ERC1: variants seen among roughly 807,000 people sequenced by gnomAD.
ERC1 encodes RAB6 interacting protein 2.
In ERC1, 56 loss-of-function variants were observed where a neutral mutation model predicts 132.0. That is an observed-to-expected ratio of 0.42 (90% CI 0.34 to 0.53). The LOEUF (loss-of-function observed/expected upper bound fraction) is 0.53, where lower values mean the gene tolerates loss of function less well. ERC1 is among the 20% of genes least tolerant of loss of function. ERC1 has a pLI of 0.03. For missense variants in ERC1, 1,202 were observed against 1,349.9 expected, an observed-to-expected ratio of 0.89 and a Z score of 1.72; for synonymous variants, 478 against 476.1, an observed-to-expected ratio of 1.00 and a Z score of -0.05.
At chr12:1,175,309 G>A (rs1953572207) in intron 8 of ERC1, among the ~76,000 whole-genome samples, 1 of 152,050 alleles carries the variant, frequency 6.6e-6, no homozygotes, top group African/African-American at 2.4e-5. Flanking sequence ...AGTGCTATTT[G>A]ATAGCATTTT....
At chr12:1,441,044 C>G (rs2093137202) in intron 17 of ERC1, among the ~76,000 whole-genome samples, 1 of 151,292 alleles carries the variant, frequency 6.6e-6, no homozygotes, top group South Asian at 2.1e-4. Context: ...GCATAAAATG[C>G]ATTTAAATCT....
At chr12:1,137,100 C>CTTTTTTTT (rs944757047) in intron 7 of ERC1, among the ~76,000 whole-genome samples, 1 of 122,914 alleles carries the variant, frequency 8.1e-6, no homozygotes, top group African/African-American at 3.1e-5. Context: ...TTTTTCTTTT[C>CTTTTTTTT]TTTTTTTTTT....
intron 1 of ERC1, among the ~76,000 whole-genome samples, chr12:1,007,151 G>A (rs1385799595): frequency 6.6e-6 from 1 of 152,122 alleles, no homozygotes; most frequent in East Asian, 1.9e-4. Flanking sequence ...ATTGATACGT[G>A]CAAGAACTAG....
chr12:1,362,148 A>G (rs2086185578), intron 15 of ERC1, among the ~76,000 whole-genome samples: 1 of 152,182 alleles, frequency 6.6e-6, no homozygotes, highest in African/African-American at 2.4e-5. Flanking sequence ...TTTCAGTATC[A>G]CCATAAATGA....
At chr12:1,184,662 C>T (rs1954869944) in intron 11 of ERC1, among the ~76,000 whole-genome samples, 1 of 152,198 alleles carries the variant, frequency 6.6e-6, no homozygotes, top group Non-Finnish European at 1.5e-5. Flanking sequence ...TGAATATTGG[C>T]ATTCCATGTC....
intron 15 of ERC1, among the ~76,000 whole-genome samples, chr12:1,361,577 T>C (rs532006021): frequency 6.6e-6 from 1 of 152,264 alleles, no homozygotes; most frequent in South Asian, 2.1e-4. Context: ...TTCTTAATCT[T>C]GAGCACTAAA....
intron 1 of ERC1, among the ~76,000 whole-genome samples, chr12:995,431 C>A (rs752516999): frequency 6.6e-6 from 1 of 151,930 alleles, no homozygotes; most frequent in Non-Finnish European, 1.5e-5. Context: ...GGATGTGGGC[C>A]AAACAGAAGA....
intron 12 of ERC1, among the ~76,000 whole-genome samples, chr12:1,205,377 G>GTA (rs1306713628): frequency 6.7e-6 from 1 of 149,328 alleles, no homozygotes; most frequent in African/African-American, 2.5e-5. Context: ...ATGTGTGTGT[G>GTA]TGTATATATA....
intron 16 of ERC1, among the ~76,000 whole-genome samples, chr12:1,394,533 C>T: frequency 6.6e-6 from 1 of 152,128 alleles, no homozygotes; most frequent in East Asian, 1.9e-4. Flanking sequence ...GATTGTTATT[C>T]ACAGTGTTGA....
chr12:1,370,282 C>T (rs754060334), intron 15 of ERC1, among the ~76,000 whole-genome samples: 13 of 152,156 alleles, frequency 8.5e-5, no homozygotes, highest in Non-Finnish European at 1.9e-4. Context: ...TTCCTTTGGA[C>T]ACAAACCATA....
At chr12:1,076,991 G>A (rs1013133225) in intron 2 of ERC1, among the ~76,000 whole-genome samples, 2 of 152,064 alleles carry the variant, frequency 1.3e-5, no homozygotes, top group African/African-American at 4.8e-5. Flanking sequence ...CAACCAAACC[G>A]GAAGCTTGAC....
chr12:1,306,746 GT>G (rs897007655), intron 15 of ERC1, among the ~76,000 whole-genome samples: 2 of 151,242 alleles, frequency 1.3e-5, no homozygotes, highest in Non-Finnish European at 3.0e-5. Context: ...TTTGTTTTTT[GT>G]TTTTTTTAGA....
chr12:1,013,689 C>T lies in ERC1; in HGVS notation c.-156-14059C>T, dbSNP rs149500868. Among the ~76,000 whole-genome samples the T allele has an allele frequency of 4.3e-3, 657 of 152,246 alleles. 4 individuals carry two copies. Among genetic ancestry groups the T allele is most frequent in the Non-Finnish European group, 6.9e-3 (472 of 68,018 alleles). ...ATGCTGAGTGTAGAGGCAGAGAAAT[C>T]TGTGCCTTCATTAACTTGTAGATTT... On this transcript the variant is annotated intron_variant, in intron 1 of 18. Coordinates refer to ENST00000360905, the MANE Select transcript of ERC1 (RefSeq NM_178040.4).
chr12:1,427,608 C>T (rs555353414), intron 17 of ERC1, among the ~76,000 whole-genome samples: 1 of 152,176 alleles, frequency 6.6e-6, no homozygotes, highest in Non-Finnish European at 1.5e-5. Flanking sequence ...TTTTGAGGGC[C>T]TTTTAACTTG....
rs528969888 is a variant in ERC1 at position 1,261,655 on chromosome 12, A to G, written c.2488-1379A>G. ...GAGGGAAGGAAGAGCTCAACAAACA[A>G]CGTTTGTTTTCTTTTGTTTTGTTTT... On this transcript the variant is annotated intron_variant, in intron 13 of 18. Transcript: ENST00000360905. Among the ~76,000 whole-genome samples the G allele has an allele frequency of 6.2e-4, 93 of 151,090 alleles. 1 individual carries two copies. The highest frequency in any genetic ancestry group is 2.2e-3 in the African/African-American group (89 of 40,516).
At chr12:1,211,232 TCCG>T (rs1273114218) in intron 12 of ERC1, among the ~76,000 whole-genome samples, 1 of 152,048 alleles carries the variant, frequency 6.6e-6, no homozygotes, top group East Asian at 1.9e-4. Flanking sequence ...TACCGCAACC[TCCG>T]CCTCCTGTTT....
chr12:1,050,100 G>A (rs1372208395), intron 2 of ERC1, among the ~76,000 whole-genome samples: 1 of 152,104 alleles, frequency 6.6e-6, no homozygotes, highest in Non-Finnish European at 1.5e-5. Context: ...ATGGATGTGG[G>A]ACAAGAGGTT....
At chr12:1,355,859 G>A (rs564706989) in intron 15 of ERC1, among the ~76,000 whole-genome samples, 3 of 152,184 alleles carry the variant, frequency 2.0e-5, no homozygotes, top group South Asian at 2.1e-4. Context: ...CTTCAGAAAT[G>A]GGAAAAATGG....
At chr12:1,474,145 T>C (rs141070008) in intron 18 of ERC1, among the ~76,000 whole-genome samples, 30 of 152,348 alleles carry the variant, frequency 2.0e-4, no homozygotes, top group African/African-American at 6.7e-4. Context: ...TTCCACTTGA[T>C]CTGTCAGCTC....
Sources: allele counts gnomAD v4.1 joint callset (sites outside exome capture counted in the v4.1 genomes callset), GRCh38; gene constraint gnomAD v4.1.1; transcripts MANE v1.5; gene names NCBI Gene and HGNC (gene_info 2026-07-23, HGNC 2026-07-21).